Variants in GULP1 observed in about 807,000 individuals in gnomAD.
GULP1 encodes the protein PTB domain-containing engulfment adapter protein 1.
A neutral mutation model predicts 40.9 loss-of-function variants in GULP1; 19 were observed. The observed-to-expected ratio is 0.46, with a 90% confidence interval of 0.32 to 0.68. The LOEUF is 0.68. Ranked by LOEUF, GULP1 falls within the 30% of genes least tolerant of loss-of-function variation. GULP1 has a pLI of 0.03. For missense variants in GULP1, 312 were observed against 362.2 expected, an observed-to-expected ratio of 0.86 and a Z score of 1.12; for synonymous variants, 119 against 117.6, an observed-to-expected ratio of 1.01 and a Z score of -0.08.
intron 4 of GULP1, among the ~76,000 whole-genome samples, chr2:188,503,995 A>T (rs1041647090): frequency 1.3e-5 from 2 of 151,920 alleles, no homozygotes; most frequent in Non-Finnish European, 2.9e-5. Context: ...AATCCTTTTT[A>T]AAATGCTGAT....
At chr2:188,475,431 C>A (rs2060932148) in intron 2 of GULP1, among the ~76,000 whole-genome samples, 1 of 151,554 alleles carries the variant, frequency 6.6e-6, no homozygotes, top group Admixed American at 6.6e-5. Flanking sequence ...TTTATATGCC[C>A]CCAAGTTGTT....
intron 2 of GULP1, among the ~76,000 whole-genome samples, chr2:188,462,058 A>G (rs2059750839): frequency 1.3e-5 from 2 of 152,032 alleles, no homozygotes; most frequent in Admixed American, 1.3e-4. Context: ...TGTTGGAGTC[A>G]CTTACAGCTA....
chr2:188,539,740 T>A lies in GULP1; in HGVS notation c.262-1441T>A, dbSNP rs533700069. ...TTGCTATGGACAGTTCTCTTAGCAT[T>A]TATTTGTATATCTCATTTTATATAT... On this transcript the variant is annotated intron_variant, in intron 6 of 11. Coordinates refer to ENST00000409830, the MANE Select transcript of GULP1 (RefSeq NM_016315.4). Among the ~76,000 whole-genome samples, 66 of 152,262 alleles carry A rather than the reference T, an allele frequency of 4.3e-4. No homozygotes were observed. In the Middle Eastern group the frequency reaches 0.014, roughly 31 times the overall value.
intron 5 of GULP1, among the ~76,000 whole-genome samples, chr2:188,525,539 A>G (rs780651150): frequency 2.6e-5 from 4 of 152,226 alleles, no homozygotes; most frequent in Admixed American, 1.3e-4. Flanking sequence ...TTTTATTAAT[A>G]CAACTAGTAC....
chr2:188,588,754 G>A (rs1422885232), intron 11 of GULP1: 1 of 152,052 alleles, frequency 6.6e-6, no homozygotes, highest in East Asian at 1.9e-4. Flanking sequence ...TTGTTTATTA[G>A]TCTTGGGTTA....
intron 4 of GULP1, among the ~76,000 whole-genome samples, chr2:188,508,620 C>A (rs967954364): frequency 8.6e-5 from 13 of 152,046 alleles, no homozygotes; most frequent in Non-Finnish European, 1.2e-4. Context: ...CCTGTCTTCC[C>A]GTCTGTCATT....
chr2:188,307,947 G>A (rs1371663866), intron 1 of GULP1, among the ~76,000 whole-genome samples: 1 of 152,134 alleles, frequency 6.6e-6, no homozygotes, highest in Non-Finnish European at 1.5e-5. Context: ...TTAATCATTT[G>A]GCAGTGGTTT....
At chr2:188,575,644 C>T (rs1200227346) in intron 9 of GULP1, among the ~76,000 whole-genome samples, 1 of 152,158 alleles carries the variant, frequency 6.6e-6, no homozygotes. Context: ...ATAACAAGAA[C>T]TTTGCAGCTG....
At chr2:188,559,075 G>A (rs544864406) in intron 7 of GULP1, among the ~76,000 whole-genome samples, 9 of 152,356 alleles carry the variant, frequency 5.9e-5, no homozygotes, top group Admixed American at 5.9e-4. Flanking sequence ...GGAGCCGAAT[G>A]TTAATCCCCA....
chr2:188,340,876 C>T (rs1156421294), intron 1 of GULP1, among the ~76,000 whole-genome samples: 2 of 152,080 alleles, frequency 1.3e-5, no homozygotes, highest in African/African-American at 4.8e-5. Context: ...TCATTTCTGG[C>T]TGGACTGAAC....
chr2:188,483,668 T>C (rs1292112222), intron 4 of GULP1, among the ~76,000 whole-genome samples, 176 bp downstream of exon 4: 1 of 152,172 alleles, frequency 6.6e-6, no homozygotes, highest in Admixed American at 6.6e-5. Context: ...GAATAGTTTC[T>C]CTTTTTAAAA....
At chr2:188,556,011 T>C (rs1694648886) in intron 7 of GULP1, among the ~76,000 whole-genome samples, 1 of 151,154 alleles carries the variant, frequency 6.6e-6, no homozygotes, top group Non-Finnish European at 1.5e-5. Flanking sequence ...TGAGCTAAGA[T>C]TGCACCACTG....
At chr2:188,581,160 G>T (rs751184516) in intron 9 of GULP1, among the ~76,000 whole-genome samples, 10 of 152,176 alleles carry the variant, frequency 6.6e-5, no homozygotes, top group African/African-American at 9.7e-5. Context: ...GGGGCCTTAG[G>T]TGCCTCTCCT....
At chr2:188,324,974 A>G (rs1170103410) in intron 1 of GULP1, among the ~76,000 whole-genome samples, 1 of 151,922 alleles carries the variant, frequency 6.6e-6, no homozygotes, top group Non-Finnish European at 1.5e-5. Context: ...TTGTATACAC[A>G]AGTAGTCTCA....
At chr2:188,374,365 A>G (rs968093084) in intron 1 of GULP1, among the ~76,000 whole-genome samples, 9 of 152,282 alleles carry the variant, frequency 5.9e-5, no homozygotes, top group African/African-American at 2.2e-4. Flanking sequence ...TTGGCAGACA[A>G]CCAATTAAAA....
At chr2:188,347,614 A>ATT (rs10627846) in intron 1 of GULP1, among the ~76,000 whole-genome samples, 13,611 of 135,232 alleles carry the variant, frequency 0.1, 918 homozygotes, top group East Asian at 0.2. Context: ...ATCTCAAAGC[A>ATT]TTTTTTTTTT....
chr2:188,524,434 A>G (rs1275123594), intron 5 of GULP1, among the ~76,000 whole-genome samples: 1 of 152,114 alleles, frequency 6.6e-6, no homozygotes, highest in Non-Finnish European at 1.5e-5. Context: ...CTTATTTTAT[A>G]GTAGCTGTTT....
chr2:188,363,128 ACTTTTT>A (rs2046314708), intron 1 of GULP1, among the ~76,000 whole-genome samples: 1 of 152,106 alleles, frequency 6.6e-6, no homozygotes, highest in African/African-American at 2.4e-5. Context: ...ATCATTGCCT[ACTTTTT>A]CTTATAGAAA....
chr2:188,480,229 T>TCACTAAAA (rs1199236215), intron 3 of GULP1, among the ~76,000 whole-genome samples: 1 of 152,082 alleles, frequency 6.6e-6, no homozygotes, highest in Non-Finnish European at 1.5e-5. Context: ...TAAGCTATAA[T>TCACTAAAA]TATATCACTA....
Sources: allele counts gnomAD v4.1 joint callset (sites outside exome capture counted in the v4.1 genomes callset), GRCh38; gene constraint gnomAD v4.1.1; transcripts MANE v1.5; gene names NCBI Gene and HGNC (gene_info 2026-07-23, HGNC 2026-07-21).